HS6ST2: variants seen among roughly 807,000 people sequenced by gnomAD.
HS6ST2 encodes heparan-sulfate 6-O-sulfotransferase 2.
In HS6ST2, 17 loss-of-function variants were observed where a neutral mutation model predicts 33.0. The observed-to-expected ratio is 0.52, with a 90% CI of 0.35 to 0.77. HS6ST2 has a LOEUF of 0.77. HS6ST2 is among the 30% of genes least tolerant of loss of function. The probability of loss-of-function intolerance (pLI) is 0.01; values close to 1 mark genes in which losing one functional copy is unlikely to be tolerated. For missense variants in HS6ST2, 519 were observed against 551.7 expected (o/e 0.94, Z 0.59); for synonymous variants, 248 against 237.1 (o/e 1.05, Z -0.42).
rs1491302463 is a variant in HS6ST2, at chrX:132,637,849, TAA to T, written c.1068-8758_1068-8757del. Reference sequence around the variant, plus strand: ...AATATTATATATAATATTTTATATATAATATATATATAATATATTATATATAA... The same window carrying T: ...AATATTATATATAATATTTTATATATTATATATATAATATATTATATATAA... On this transcript the variant is annotated intron_variant, in intron 4 of 4. Coordinates refer to ENST00000370833, the MANE Select transcript of HS6ST2 (RefSeq NM_001394073.1). Among the ~76,000 whole-genome samples, 194 of 38,806 alleles carry T rather than the reference TAA, an allele frequency of 5.0e-3. 1 individual carries two copies. The highest frequency in any genetic ancestry group is 5.7e-3 in the Non-Finnish European group (169 of 29,430). 33.7% of individuals were successfully genotyped at this position (38,806 alleles called of 115,157 possible). A position where few individuals can be genotyped will look rare whatever the true frequency, so the allele number is the denominator to read the frequency against.
chrX:132,867,869 G>C (rs774308289), intron 2 of HS6ST2, among the ~76,000 whole-genome samples: 2 of 111,549 alleles, frequency 1.8e-5, no homozygotes, highest in Admixed American at 9.6e-5. Context: ...TGAAGAAACT[G>C]CATCAACTAA....
chrX:132,865,275 A>G (rs2065960531), intron 2 of HS6ST2, among the ~76,000 whole-genome samples: 1 of 109,578 alleles, frequency 9.1e-6, no homozygotes, highest in Admixed American at 9.8e-5. Context: ...ATGATTTCCA[A>G]TTTCATCCAT....
rs776352718 is a variant in HS6ST2 at position 132,678,505 on chromosome X, G to A, written c.981-9306C>T. Among the ~76,000 whole-genome samples, 17 of 112,581 alleles carry A rather than the reference G, an allele frequency of 1.5e-4. 2 individuals carry two copies. Among genetic ancestry groups the A allele is most frequent in the Middle Eastern group, 4.6e-3 (1 of 218 alleles). ...AAAACACTGACCCTTTAAACCAAAG[G>A]ACTTTGTACTTTTCTCTTCACGTTT... is the stretch of plus-strand genomic sequence containing the variant. On this transcript the variant is annotated intron_variant, in intron 3 of 4. Coordinates refer to ENST00000370833, the MANE Select transcript of HS6ST2 (RefSeq NM_001394073.1).
At chrX:132,741,746 C>CTGT (rs1463892327) in intron 2 of HS6ST2, among the ~76,000 whole-genome samples, 1 of 111,598 alleles carries the variant, frequency 9.0e-6, no homozygotes, top group East Asian at 2.8e-4. Context: ...GATACTGCCA[C>CTGT]TGTTGTTATT....
At chrX:132,938,909 T>C (rs959232847) in intron 2 of HS6ST2, among the ~76,000 whole-genome samples, 1 of 112,014 alleles carries the variant, frequency 8.9e-6, no homozygotes, top group Non-Finnish European at 1.9e-5. Flanking sequence ...AAAAAGAAGT[T>C]TATCTGGCTT....
intron 2 of HS6ST2, among the ~76,000 whole-genome samples, chrX:132,879,593 G>A (rs1478117856): frequency 8.9e-6 from 1 of 111,988 alleles, no homozygotes; most frequent in Non-Finnish European, 1.9e-5. Flanking sequence ...CTCTCAAGGA[G>A]GCTTAGCCAG....
intron 2 of HS6ST2, among the ~76,000 whole-genome samples, chrX:132,833,776 T>A (rs966497520): frequency 1.3e-4 from 14 of 108,642 alleles, no homozygotes; most frequent in South Asian, 4.2e-4. Context: ...TTTTTTTTTT[T>A]AAATTATTAT....
upstream of HS6ST2, chrX:132,958,729 G>T: frequency 1.6e-6 from 1 of 640,346 alleles, no homozygotes; most frequent in Non-Finnish European, 2.3e-6. Context: ...TTTTCTTGGA[G>T]TACGGAGGTC....
chrX:132,905,695 C>T (rs958177929), intron 2 of HS6ST2, among the ~76,000 whole-genome samples: 2 of 111,914 alleles, frequency 1.8e-5, no homozygotes, highest in African/African-American at 6.5e-5. Flanking sequence ...GGGAGGATCA[C>T]TTGAGCCAAG....
At position 132,956,832 on chromosome X, in the gene HS6ST2, C is replaced by G. The variant is rs747710558; in HGVS notation, c.923G>C (p.Arg308Pro). 5.1e-6 allele frequency: 6 copies of G among 1,175,543 alleles called. No homozygotes were observed. The Admixed American group carries it at 1.5e-4, about 29-fold the overall frequency. Residue 308 changes from arginine (R) to proline (P), a missense_variant, in exon 2 of 5, where the codon CGC becomes CCC. Arg to Pro is a moderately radical substitution (Grantham distance 103). Coordinates refer to ENST00000370833, the MANE Select transcript of HS6ST2 (RefSeq NM_001394073.1). ...SCVPSVVDGK[R>P]DARLRPSRWR... The stretch of plus-strand genomic sequence containing the variant: ...CCTGGACGGTCTCAGCCTGGCGTCG[C>G]GCTTGCCGTCCACCACGGAGGGCAC...
intron 2 of HS6ST2, among the ~76,000 whole-genome samples, chrX:132,728,861 A>C (rs2064425379): frequency 8.9e-6 from 1 of 112,574 alleles, no homozygotes; most frequent in African/African-American, 3.2e-5. Flanking sequence ...AGCTCTAAAG[A>C]TGACGACATA....
intron 2 of HS6ST2, among the ~76,000 whole-genome samples, chrX:132,749,743 C>T (rs1402963858): frequency 9.0e-6 from 1 of 111,574 alleles, no homozygotes; most frequent in Non-Finnish European, 1.9e-5. Flanking sequence ...GAACCCTTGA[C>T]AGAGTCATTC....
chrX:132,829,199 T>TATAC (rs55664940), intron 2 of HS6ST2, among the ~76,000 whole-genome samples: 1 of 73,294 alleles, frequency 1.4e-5, no homozygotes, highest in African/African-American at 6.1e-5. Flanking sequence ...TATATATATA[T>TATAC]ACATACTTAT....
intron 2 of HS6ST2, among the ~76,000 whole-genome samples, chrX:132,910,950 G>C (rs1001263236): frequency 9.0e-6 from 1 of 110,917 alleles, no homozygotes; most frequent in South Asian, 3.9e-4. Context: ...AGGAGTTTGA[G>C]ACCAGCCTGG....
chrX:132,783,539 ACC>A (rs1310671450), intron 2 of HS6ST2, among the ~76,000 whole-genome samples: 3 of 110,509 alleles, frequency 2.7e-5, no homozygotes, highest in African/African-American at 9.9e-5. Context: ...ATCTCTACCC[ACC>A]CACACACACC....
chrX:132,640,219 G>T (rs933119926), intron 4 of HS6ST2, among the ~76,000 whole-genome samples: 4 of 110,810 alleles, frequency 3.6e-5, no homozygotes, highest in African/African-American at 1.3e-4. Context: ...GCAGATAGAG[G>T]CACAGTATAT....
At chrX:132,898,359 T>C (rs2066396271) in intron 2 of HS6ST2, among the ~76,000 whole-genome samples, 1 of 96,905 alleles carries the variant, frequency 1.0e-5, no homozygotes, top group Admixed American at 1.2e-4. Context: ...CTGTCATATA[T>C]GCTCTCTTTA....
At chrX:132,787,228 C>T (rs1475290098) in intron 2 of HS6ST2, among the ~76,000 whole-genome samples, 2 of 74,476 alleles carry the variant, frequency 2.7e-5, no homozygotes, top group African/African-American at 5.4e-5. Context: ...TATATATATA[C>T]ACATATATAT....
At chrX:132,915,119 AGCTCCTCCTTGGTTTG>A (rs2066571304) in intron 2 of HS6ST2, among the ~76,000 whole-genome samples, 1 of 112,117 alleles carries the variant, frequency 8.9e-6, no homozygotes, top group South Asian at 3.8e-4. Flanking sequence ...ACTGTTCCTC[AGCTCCTCCTTGGTTTG>A]GCACTCTCAC....
Sources: gnomAD v4.1 joint callset for allele counts (sites outside exome capture counted in the v4.1 genomes callset) on GRCh38, gnomAD v4.1.1 for gene constraint, MANE v1.5 for transcripts, NCBI Gene and HGNC (gene_info 2026-07-23, HGNC 2026-07-21) for gene names.